Variants in MTARC2 observed in about 807,000 individuals in gnomAD.
MTARC2 encodes the protein MOCO sulphurase C-terminal domain containing 2.
In MTARC2, 27 loss-of-function variants were observed where a neutral mutation model predicts 35.6. That is an observed-to-expected ratio of 0.76 (90% CI 0.56 to 1.04). MTARC2 has a LOEUF of 1.04. MTARC2 is among the 50% of genes least tolerant of loss of function. The probability of loss-of-function intolerance (pLI) is 0.00; values close to 1 mark genes in which losing one functional copy is unlikely to be tolerated. For synonymous variants in MTARC2, 158 were observed against 167.1 expected (o/e 0.95, Z 0.42); for missense variants, 412 against 432.5 (o/e 0.95, Z 0.42).
intron 4 of MTARC2, among the ~76,000 whole-genome samples, chr1:220,769,445 A>C (rs1671674442): frequency 6.6e-6 from 1 of 152,086 alleles, no homozygotes; most frequent in Non-Finnish European, 1.5e-5. Flanking sequence ...CTTAAACAAC[A>C]CTGGTGCCTC....
At chr1:220,781,083 A>T (rs759680300) in intron 6 of MTARC2, among the ~76,000 whole-genome samples, 1 of 151,860 alleles carries the variant, frequency 6.6e-6, no homozygotes. Flanking sequence ...TAGGCTTAAC[A>T]TTCTTTGGAG....
At position 220,774,717 on chromosome 1, in the gene MTARC2, G is replaced by A. The variant is rs555634505; in HGVS notation, c.751-5301G>A. Among the ~76,000 whole-genome samples, 14 of 152,010 alleles carry A rather than the reference G, an allele frequency of 9.2e-5. No homozygotes were observed. The South Asian group carries it at 2.9e-3, about 32-fold the overall frequency. On this transcript the variant is annotated intron_variant, in intron 4 of 7. Coordinates refer to ENST00000366913, the MANE Select transcript of MTARC2 (RefSeq NM_017898.5). ...GATGTCTTTCATAGCCCATTGCCAC[G>A]GCAGGCCATGCAGGCTCTTTCCACC... is the stretch of plus-strand genomic sequence containing the variant.
intron 1 of MTARC2, among the ~76,000 whole-genome samples, chr1:220,750,327 G>A (rs1413806853): frequency 6.6e-6 from 1 of 152,194 alleles, no homozygotes; most frequent in Admixed American, 6.5e-5. Context: ...GAAAATTAGT[G>A]TTGCAGGCTA....
intron 4 of MTARC2, among the ~76,000 whole-genome samples, chr1:220,778,247 CAA>C (rs60336134): frequency 2.1e-5 from 2 of 97,350 alleles, no homozygotes; most frequent in African/African-American, 3.9e-5. Flanking sequence ...GACTCTGTCT[CAA>C]AAAAAAAAAA....
chr1:220,749,587 C>T (rs942475886), intron 1 of MTARC2, among the ~76,000 whole-genome samples: 21 of 152,028 alleles, frequency 1.4e-4, no homozygotes, highest in Admixed American at 1.1e-3. Flanking sequence ...TGCGCCACCA[C>T]GCCCGGCTAA....
intron 1 of MTARC2, among the ~76,000 whole-genome samples, chr1:220,753,030 C>T (rs759141156): frequency 5.8e-4 from 80 of 138,326 alleles, no homozygotes; most frequent in African/African-American, 1.4e-3. Context: ...CTGGCTAACA[C>T]GGTGAAACCC....
chr1:220,754,544 A>G, intron 1 of MTARC2: 1 of 409,086 alleles, frequency 2.4e-6, no homozygotes, highest in Non-Finnish European at 4.8e-6. Context: ...TTCTACAACA[A>G]AAGGACCTGA....
chr1:220,754,436 A>C, intron 1 of MTARC2: 1 of 456,330 alleles, frequency 2.2e-6, no homozygotes, highest in Non-Finnish European at 4.4e-6. Context: ...TGCCGCGGCA[A>C]GTTAAACAGA....
chr1:220,762,591 G>A (rs1382458281), intron 3 of MTARC2, among the ~76,000 whole-genome samples: 2 of 152,186 alleles, frequency 1.3e-5, no homozygotes, highest in Non-Finnish European at 1.5e-5. Context: ...ATAGCTGATT[G>A]GCAGCAGGTC....
chr1:220,765,372 T>G (rs768834895), intron 4 of MTARC2, among the ~76,000 whole-genome samples: 1 of 152,164 alleles, frequency 6.6e-6, no homozygotes, highest in Non-Finnish European at 1.5e-5. Flanking sequence ...GAGTTTGGAT[T>G]TTATACTGTG....
At position 220,755,008 on chromosome 1, in the gene MTARC2, G is replaced by A. The variant is rs145299584; in HGVS notation, c.334G>A (p.Val112Met). The change falls in exon 2 of 8, where the codon GTG becomes ATG. Residue 112 changes from valine to methionine, a missense_variant. Transcript: ENST00000366913. ...MVTARQEPRL[V>M]LISIIYENNC... The stretch of plus-strand genomic sequence containing the variant: ...CACTGCCCGACAGGAGCCTCGCCTC[G>A]TGCTCATCTCCATCATTTATGAGAA... The A allele has an allele frequency of 4.5e-5, 73 of 1,613,010 alleles. No homozygotes were observed. Among genetic ancestry groups the A allele is most frequent in the Middle Eastern group, 3.3e-4 (2 of 6,054 alleles).
intron 4 of MTARC2, among the ~76,000 whole-genome samples, chr1:220,769,307 A>T (rs1572307987): frequency 6.6e-6 from 1 of 152,322 alleles, no homozygotes; most frequent in South Asian, 2.1e-4. Context: ...CCCAGTGAGT[A>T]AGCGAGACAC....
intron 4 of MTARC2, among the ~76,000 whole-genome samples, chr1:220,775,011 A>G (rs114690506): frequency 2.6e-5 from 4 of 152,328 alleles, no homozygotes; most frequent in African/African-American, 9.6e-5. Context: ...AGAGACAGGA[A>G]AAAAGGGAGG....
At chr1:220,779,614 G>T (rs1314526453) in intron 4 of MTARC2, among the ~76,000 whole-genome samples, 2 of 152,212 alleles carry the variant, frequency 1.3e-5, no homozygotes, top group African/African-American at 4.8e-5. Context: ...TCTCTTGGGT[G>T]ATGTCCCCAC....
At chr1:220,778,534 A>G (rs1340615070) in intron 4 of MTARC2, among the ~76,000 whole-genome samples, 2 of 152,200 alleles carry the variant, frequency 1.3e-5, no homozygotes, top group African/African-American at 2.4e-5. Context: ...ATCCACCCCC[A>G]TGATTGAATT....
intron 4 of MTARC2, among the ~76,000 whole-genome samples, chr1:220,772,772 G>A (rs554577357): frequency 6.6e-6 from 1 of 152,162 alleles, no homozygotes; most frequent in African/African-American, 2.4e-5. Context: ...ATCCAATTGC[G>A]GGAACCATGG....
At chr1:220,775,936 A>G (rs967231536) in intron 4 of MTARC2, among the ~76,000 whole-genome samples, 3 of 152,184 alleles carry the variant, frequency 2.0e-5, no homozygotes, top group Non-Finnish European at 4.4e-5. Flanking sequence ...GTTGATAGGC[A>G]TCTAGGTTGA....
At chr1:220,779,004 C>G (rs1443900038) in intron 4 of MTARC2, among the ~76,000 whole-genome samples, 1 of 152,140 alleles carries the variant, frequency 6.6e-6, no homozygotes, top group African/African-American at 2.4e-5. Flanking sequence ...TTCATTTTGT[C>G]ATGAAGGTTC....
At chr1:220,769,135 G>A (rs1671662715) in intron 4 of MTARC2, among the ~76,000 whole-genome samples, 1 of 152,334 alleles carries the variant, frequency 6.6e-6, no homozygotes, top group Admixed American at 6.5e-5. Context: ...TGAGTCATTT[G>A]TAATATTTTC....
Sources: allele counts gnomAD v4.1 joint callset (sites outside exome capture counted in the v4.1 genomes callset), GRCh38; gene constraint gnomAD v4.1.1; transcripts MANE v1.5; gene names NCBI Gene and HGNC (gene_info 2026-07-23, HGNC 2026-07-21).